Variants in OAS2 observed in about 807,000 individuals in gnomAD.
OAS2 encodes the protein 2'-5'-oligoadenylate synthase 2.
In OAS2, 67 loss-of-function variants were observed where a neutral mutation model predicts 71.3. The observed-to-expected ratio is 0.94, with a 90% CI of 0.77 to 1.15. The LOEUF (loss-of-function observed/expected upper bound fraction) is 1.15. Among genes scored for constraint, OAS2 ranks in the 50% most tolerant of loss-of-function variants. The pLI, the probability that OAS2 is intolerant of heterozygous loss-of-function variation, is 0.00. For missense variants in OAS2, 789 were observed against 822.5 expected (o/e 0.96, Z 0.50); for synonymous variants, 327 against 321.8 (o/e 1.02, Z -0.17).
chr12:112,983,091 G>A lies in OAS2; in HGVS notation c.178-3947G>A, dbSNP rs578170919. ...TTTTAGTCTATTTAGTCTAAGTAGC[G>A]GTTCATCCATTTTGTTTATCTTTTT... On this transcript the variant is annotated intron_variant, in intron 1 of 9. Coordinates refer to ENST00000392583, the MANE Select transcript of OAS2 (RefSeq NM_002535.3). Among the ~76,000 whole-genome samples the A allele has an allele frequency of 9.9e-4, 150 of 151,850 alleles. 1 individual carries two copies. Among genetic ancestry groups the A allele is most frequent in the African/African-American group, 3.5e-3 (144 of 41,404 alleles).
chr12:113,006,458 GGCTCATTGATCTGT>G lies in OAS2; in HGVS notation c.1515_1528del (p.Leu506Ter). The G allele has an allele frequency of 6.2e-7, 1 of 1,602,472 alleles. No individual in the cohort carries two copies. The highest frequency in any genetic ancestry group is 8.5e-7 in the Non-Finnish European group (1 of 1,171,184). ...ACACCCAGCCCCGAGGTTTATGCAG[GGCTCATTGATCTGT>G]ATAAATCCTCGGACCTCCCGGGAGG... On this transcript the variant is annotated frameshift_variant, in exon 8 of 10. Coordinates refer to ENST00000392583, the MANE Select transcript of OAS2 (RefSeq NM_002535.3). LOFTEE classifies it high-confidence loss of function.
In OAS2 at chr12:112,997,528, A is replaced by C. The variant is rs751488373; in HGVS notation, c.636A>C (p.Lys212Asn). The change falls in exon 4 of 10, where the codon AAA (lysine) becomes AAC (asparagine). Residue 212 changes from lysine to asparagine, a missense_variant. Transcript: ENST00000392583. ...LIKHWHQQCQ[K>N]KIKDLPSLSP... is the part of the protein sequence containing the mutation. ...CTTTCCTTATCCCACAGTGCCAGAA[A>C]AAAATCAAGGATTTACCCTCGCTGT... 6.2e-7 allele frequency: 1 copy of C among 1,613,682 alleles called. No homozygotes were observed. Among genetic ancestry groups the C allele is most frequent in the East Asian group, 2.2e-5 (1 of 44,868 alleles).
Position 113,006,560 on chromosome 12 carries a change from T to C in OAS2, c.1616T>C (p.Leu539Pro), listed in dbSNP as rs2044336858. 1 of 1,610,568 alleles carries C rather than the reference T, an allele frequency of 6.2e-7. No individual in the cohort carries two copies. The highest frequency in any genetic ancestry group is 8.5e-7 in the Non-Finnish European group (1 of 1,177,322). ...TTCATTCGCTCCCGGCCCACCAAAC[T>C]AAAGGATTTAATTCGCCTGGTGAAG... ...RNFIRSRPTK[L>P]KDLIRLVKHW... The change falls in exon 8 of 10, where the codon CTA (leucine) becomes CCA (proline). Residue 539 changes from leucine to proline, a missense_variant. Coordinates refer to ENST00000392583, the MANE Select transcript of OAS2 (RefSeq NM_002535.3).
intron 8 of OAS2, among the ~76,000 whole-genome samples, chr12:113,007,133 C>T (rs1437137245): frequency 1.3e-5 from 2 of 152,208 alleles, no homozygotes; most frequent in African/African-American, 2.4e-5. Context: ...CCAGTTTCCC[C>T]TCACTTGCAC....
chr12:112,984,080 T>C (rs1034824455), intron 1 of OAS2, among the ~76,000 whole-genome samples: 3 of 152,226 alleles, frequency 2.0e-5, no homozygotes, highest in Non-Finnish European at 4.4e-5. Flanking sequence ...TCTTTGCTGA[T>C]TTTCTGTCTA....
At chr12:113,001,535 T>C (rs1045384900) in intron 5 of OAS2, among the ~76,000 whole-genome samples, 16 of 149,208 alleles carry the variant, frequency 1.1e-4, no homozygotes, top group African/African-American at 3.7e-4. Context: ...TATATATATA[T>C]ACATATATAT....
At chr12:112,999,299 C>A (rs2044263266) in intron 5 of OAS2, among the ~76,000 whole-genome samples, 1 of 152,222 alleles carries the variant, frequency 6.6e-6, no homozygotes, top group African/African-American at 2.4e-5. Context: ...CCTGCATGCT[C>A]AGTGCTTATT....
intron 1 of OAS2, among the ~76,000 whole-genome samples, chr12:112,986,706 C>T (rs1286906435): frequency 6.6e-6 from 1 of 151,872 alleles, no homozygotes; most frequent in Non-Finnish European, 1.5e-5. Context: ...TACCCCCATT[C>T]CCCCAGATGC....
At chr12:113,008,017 T>A in intron 9 of OAS2, 74 bp downstream of exon 9, 2 of 1,053,216 alleles carry the variant, frequency 1.9e-6, no homozygotes, top group East Asian at 4.7e-5. Context: ...TGGATTTTCC[T>A]CTGCTGGGGT....
rs148545448 is a variant in OAS2 at position 113,002,633 on chromosome 12, G to C, written c.1009-299G>C. Among the ~76,000 whole-genome samples, 696 of 152,304 alleles carry C rather than the reference G, an allele frequency of 4.6e-3. 4 individuals are homozygous for C. The highest frequency in any genetic ancestry group is 0.011 in the African/African-American group (440 of 41,560). On this transcript the variant is annotated intron_variant, in intron 5 of 9. Transcript: ENST00000392583. Reference sequence around the variant, plus strand: ...GATGCTCCAACTGGGCATGGAAAAGGAGTTTGGAGTTAGGAACACGACAGA... The same window carrying C: ...GATGCTCCAACTGGGCATGGAAAAGCAGTTTGGAGTTAGGAACACGACAGA...
chr12:113,001,465 T>TACATATATAC (rs1279074905), intron 5 of OAS2, among the ~76,000 whole-genome samples: 1 of 148,396 alleles, frequency 6.7e-6, no homozygotes, highest in Admixed American at 6.8e-5. Context: ...TACACATATA[T>TACATATATAC]ACATATATAC....
At chr12:112,991,866 C>T (rs558091454) in intron 2 of OAS2, among the ~76,000 whole-genome samples, 10 of 152,046 alleles carry the variant, frequency 6.6e-5, no homozygotes, top group Non-Finnish European at 1.3e-4. Context: ...TCATGAGTAT[C>T]TTGTTCTTCT....
At chr12:112,988,122 C>T (rs576474047) in intron 2 of OAS2, 48 of 985,254 alleles carry the variant, frequency 4.9e-5, no homozygotes, top group Non-Finnish European at 5.7e-5. Flanking sequence ...CAAAACATCT[C>T]CCACTAAGCC....
intron 2 of OAS2, chr12:112,987,715 G>A: frequency 1.9e-6 from 2 of 1,038,818 alleles, no homozygotes; most frequent in Non-Finnish European, 2.3e-6. Flanking sequence ...CAGAGTCAGT[G>A]TTGGTTAGAG....
intron 1 of OAS2, among the ~76,000 whole-genome samples, chr12:112,983,281 A>G (rs2044100466): frequency 6.6e-6 from 1 of 152,120 alleles, no homozygotes; most frequent in African/African-American, 2.4e-5. Context: ...GCTGGAGTGC[A>G]ATGACGTGAT....
chr12:112,987,507 T>A, intron 2 of OAS2, 199 bp downstream of exon 2: 6 of 1,423,798 alleles, frequency 4.2e-6, no homozygotes, highest in Non-Finnish European at 5.5e-6. Flanking sequence ...CATACCCTGA[T>A]TGTCTTTGGA....
intron 1 of OAS2, among the ~76,000 whole-genome samples, chr12:112,982,346 T>G (rs2044091727): frequency 6.6e-6 from 1 of 152,224 alleles, no homozygotes; most frequent in Non-Finnish European, 1.5e-5. Context: ...GTATGTTCCT[T>G]ACATGCCTAA....
intron 2 of OAS2, chr12:112,987,916 T>G: frequency 1.0e-6 from 1 of 985,520 alleles, no homozygotes; most frequent in South Asian, 4.7e-5. Context: ...CAGCAAACAT[T>G]CCCACACTCT....
At chr12:112,995,857 G>A (rs1346646144) in intron 3 of OAS2, among the ~76,000 whole-genome samples, 2 of 152,186 alleles carry the variant, frequency 1.3e-5, no homozygotes, top group Non-Finnish European at 2.9e-5. Context: ...AGGCTGGAGT[G>A]CAGTGGTGGG....
Sources: allele counts gnomAD v4.1 joint callset (sites outside exome capture counted in the v4.1 genomes callset), GRCh38; gene constraint gnomAD v4.1.1; transcripts MANE v1.5; gene names NCBI Gene and HGNC (gene_info 2026-07-23, HGNC 2026-07-21).